SLC9C1: variants seen among roughly 807,000 people sequenced by gnomAD.
The protein encoded by SLC9C1 is solute carrier family 9 member C1.
In SLC9C1, 97 loss-of-function variants were observed where a neutral mutation model predicts 140.9. The ratio of observed to expected loss-of-function variants is 0.69; its 90% CI spans 0.58 to 0.82. The LOEUF (loss-of-function observed/expected upper bound fraction) is 0.82. Among genes scored for constraint, SLC9C1 ranks in the 40% least tolerant of loss-of-function variants. The pLI, the probability that SLC9C1 is intolerant of heterozygous loss-of-function variation, is 0.00. For missense variants in SLC9C1, 1,340 were observed against 1,389.3 expected, an observed-to-expected ratio of 0.96 and a Z score of 0.56; for synonymous variants, 440 against 442.6, an observed-to-expected ratio of 0.99 and a Z score of 0.07.
intron 2 of SLC9C1, among the ~76,000 whole-genome samples, chr3:112,282,963 T>C (rs190559493): frequency 6.6e-6 from 1 of 152,322 alleles, no homozygotes; most frequent in East Asian, 1.9e-4. Flanking sequence ...TTGATACAAA[T>C]TTTGTTTATA....
intron 2 of SLC9C1, among the ~76,000 whole-genome samples, chr3:112,282,043 C>T (rs2080371604): frequency 6.6e-6 from 1 of 152,150 alleles, no homozygotes; most frequent in African/African-American, 2.4e-5. Context: ...GAAATGACAA[C>T]CAACACCATA....
rs1335705517 is a variant in SLC9C1, at chr3:112,270,212, A to G, written c.614-135T>C. 7.4e-6 allele frequency: 6 copies of G among 816,160 alleles called. No homozygotes were observed. In the East Asian group the frequency reaches 1.5e-4, roughly 20 times the overall value. The allele number at this position is 816,160 out of a possible 1,614,324, so 50.6% of individuals were successfully genotyped here. A position where few individuals can be genotyped will look rare whatever the true frequency, so the allele number is the denominator to read the frequency against. On this transcript the variant is annotated intron_variant, in intron 6 of 28. Coordinates refer to ENST00000305815, the MANE Select transcript of SLC9C1 (RefSeq NM_183061.3). ...TGCCACAATGAACATGAGAGTGCAGATATCCCTGGGACATATTGATTTCAA... is the reference window on the plus strand; with the variant it reads ...TGCCACAATGAACATGAGAGTGCAGGTATCCCTGGGACATATTGATTTCAA...
chr3:112,209,423 G>C (rs934775694), intron 15 of SLC9C1, among the ~76,000 whole-genome samples: 1 of 152,084 alleles, frequency 6.6e-6, no homozygotes, highest in Non-Finnish European at 1.5e-5. Flanking sequence ...CATGGCACTG[G>C]AGGTTACCTT....
At position 112,150,295 on chromosome 3, in the gene SLC9C1, T is replaced by G. The variant is rs190620187; in HGVS notation, c.3524+1562A>C. Among the ~76,000 whole-genome samples the G allele has an allele frequency of 2.8e-4, 42 of 152,304 alleles. 1 individual carries two copies. The Middle Eastern group carries it at 0.017, about 62-fold the overall frequency. On this transcript the variant is annotated intron_variant, in intron 28 of 28. Transcript: ENST00000305815. ...CCAGGTCTGGGAAAATGTCTACAGC[T>G]TTCTCCAGTGCCTTTCTCCTAAGTT... is the stretch of plus-strand genomic sequence containing the variant.
chr3:112,211,897 C>A (rs1351126564), intron 15 of SLC9C1, among the ~76,000 whole-genome samples: 1 of 152,236 alleles, frequency 6.6e-6, no homozygotes, highest in Non-Finnish European at 1.5e-5. Context: ...TGAGAACGGA[C>A]AGACTGCCTC....
chr3:112,251,895 A>T (rs570809717), intron 10 of SLC9C1, among the ~76,000 whole-genome samples: 3 of 152,182 alleles, frequency 2.0e-5, no homozygotes, highest in African/African-American at 7.2e-5. Flanking sequence ...CCCCTGAATC[A>T]TCTCCTTTCC....
chr3:112,229,839 TA>T, intron 13 of SLC9C1, among the ~76,000 whole-genome samples: 1 of 152,290 alleles, frequency 6.6e-6, no homozygotes, highest in South Asian at 2.1e-4. Context: ...TGTTAGTTGA[TA>T]TTTCCACAAT....
chr3:112,244,133 T>C, intron 10 of SLC9C1, 57 bp from the exon 11 acceptor site: 1 of 1,054,840 alleles, frequency 9.5e-7, no homozygotes, highest in Admixed American at 2.2e-5. Flanking sequence ...TAATATAGCC[T>C]ATATTTACCA....
At chr3:112,244,396 A>C (rs1334885826) in intron 10 of SLC9C1, among the ~76,000 whole-genome samples, 2 of 152,236 alleles carry the variant, frequency 1.3e-5, no homozygotes, top group Non-Finnish European at 2.9e-5. Flanking sequence ...CTGGTAGCTG[A>C]GAATACACTT....
chr3:112,258,452 G>T (rs564124805), intron 10 of SLC9C1, among the ~76,000 whole-genome samples: 3 of 151,822 alleles, frequency 2.0e-5, no homozygotes, highest in Middle Eastern at 6.8e-3. Context: ...TTTTGTTTTT[G>T]AGATGGAGTC....
intron 12 of SLC9C1, among the ~76,000 whole-genome samples, chr3:112,231,883 G>A (rs895159207): frequency 1.1e-4 from 16 of 152,114 alleles, no homozygotes; most frequent in African/African-American, 3.6e-4. Flanking sequence ...CATAATTGGA[G>A]GAGTGGGCGT....
chr3:112,259,702 T>C (rs571371264), intron 10 of SLC9C1, among the ~76,000 whole-genome samples: 1 of 152,264 alleles, frequency 6.6e-6, no homozygotes, highest in South Asian at 2.1e-4. Flanking sequence ...TGAAATGATC[T>C]GTACACCAAA....
chr3:112,190,356 T>A (rs1288698544), intron 20 of SLC9C1, among the ~76,000 whole-genome samples: 1 of 152,184 alleles, frequency 6.6e-6, no homozygotes. Flanking sequence ...TTCAGTATGA[T>A]AACTGGCTGT....
At chr3:112,212,992 A>G (rs1164124229) in intron 15 of SLC9C1, among the ~76,000 whole-genome samples, 1 of 152,234 alleles carries the variant, frequency 6.6e-6, no homozygotes. Context: ...AGCCCATCAG[A>G]ATAATAGCAG....
intron 20 of SLC9C1, among the ~76,000 whole-genome samples, chr3:112,194,242 TG>T (rs1335924935): frequency 1.3e-5 from 2 of 152,146 alleles, no homozygotes; most frequent in African/African-American, 4.8e-5. Flanking sequence ...GTGGTGGCAT[TG>T]GGGGCCAGTG....
intron 5 of SLC9C1, among the ~76,000 whole-genome samples, chr3:112,275,774 G>C (rs1021738424): frequency 6.6e-6 from 1 of 152,142 alleles, no homozygotes; most frequent in Non-Finnish European, 1.5e-5. Flanking sequence ...GAAACACCAA[G>C]GCTGTTCCTG....
chr3:112,163,690 C>A (rs200935331), intron 26 of SLC9C1, among the ~76,000 whole-genome samples: 158 of 151,962 alleles, frequency 1.0e-3, no homozygotes, highest in Non-Finnish European at 1.8e-3. Flanking sequence ...CTTTACTTCC[C>A]AGTATGTGGT....
At chr3:112,249,429 T>C (rs1025546866) in intron 10 of SLC9C1, among the ~76,000 whole-genome samples, 1 of 152,058 alleles carries the variant, frequency 6.6e-6, no homozygotes, top group Non-Finnish European at 1.5e-5. Context: ...GTTGTGTCTC[T>C]GCTAGCTCTG....
Position 112,185,687 on chromosome 3 carries a change from A to G in SLC9C1, c.2524-3429T>C. 3.2e-6 allele frequency: 5 copies of G among 1,548,780 alleles called. No homozygotes were observed. The South Asian group carries it at 5.9e-5, about 18-fold the overall frequency. ...GGGGGCGGGTGCTCCGGAGGCGTGC[A>G]CGCTCGTGCCACCACTTGAGCTCCT... is the stretch of plus-strand genomic sequence containing the variant. On this transcript the variant is annotated intron_variant, in intron 20 of 28. Coordinates refer to ENST00000305815, the MANE Select transcript of SLC9C1 (RefSeq NM_183061.3).
Sources: allele counts gnomAD v4.1 joint callset (sites outside exome capture counted in the v4.1 genomes callset), GRCh38; gene constraint gnomAD v4.1.1; transcripts MANE v1.5; gene names NCBI Gene and HGNC (gene_info 2026-07-23, HGNC 2026-07-21).